Variants in ATG10 observed in about 807,000 individuals in gnomAD.
The protein encoded by ATG10 is ubiquitin-like-conjugating enzyme ATG10.
ATG10 carries 30 observed loss-of-function variants against 32.1 expected under a neutral mutation model. The observed-to-expected ratio is 0.94, with a 90% CI of 0.70 to 1.27. ATG10 has a LOEUF of 1.27. Among genes scored for constraint, ATG10 ranks in the 50% most tolerant of loss-of-function variants. The pLI, the probability that ATG10 is intolerant of heterozygous loss-of-function variation, is 0.00. For missense variants in ATG10, 233 were observed against 262.3 expected (o/e 0.89, Z 0.77); for synonymous variants, 87 against 91.5 (o/e 0.95, Z 0.28).
At position 82,071,295 on chromosome 5, in the gene ATG10, C is replaced by T. The variant is rs576274742; in HGVS notation, c.216+12693C>T. On this transcript the variant is annotated intron_variant, in intron 3 of 7. Transcript: ENST00000282185. ...TGCCCCCAGCTTTCCATTTTGACAG[C>T]AGGCATCCTGATAAGTCAGACTGAC... Among the ~76,000 whole-genome samples the T allele has an allele frequency of 3.8e-4, 58 of 152,262 alleles. 1 individual carries two copies. In the South Asian group the frequency reaches 5.0e-3, roughly 13 times the overall value.
chr5:81,979,981 T>C (rs914995692), intron 1 of ATG10, among the ~76,000 whole-genome samples: 1 of 152,120 alleles, frequency 6.6e-6, no homozygotes, highest in African/African-American at 2.4e-5. Context: ...ATTTTCATCA[T>C]GGTCTTTTTT....
At chr5:82,108,574 A>G (rs1163474766) in intron 3 of ATG10, among the ~76,000 whole-genome samples, 2 of 152,036 alleles carry the variant, frequency 1.3e-5, no homozygotes, top group African/African-American at 2.4e-5. Context: ...AGTAATATGT[A>G]TATGAGGTCT....
chr5:82,124,156 A>C (rs1272860384), intron 3 of ATG10, among the ~76,000 whole-genome samples: 1 of 141,930 alleles, frequency 7.0e-6, no homozygotes, highest in Non-Finnish European at 1.5e-5. Flanking sequence ...GACACTTGCC[A>C]CCACGCCCGG....
chr5:82,173,339 A>C (rs1004344734), intron 4 of ATG10, among the ~76,000 whole-genome samples: 3 of 152,236 alleles, frequency 2.0e-5, no homozygotes, highest in Admixed American at 1.3e-4. Context: ...ATTACTTGAC[A>C]TGTGGGTTAT....
intron 2 of ATG10, among the ~76,000 whole-genome samples, chr5:82,015,636 G>A (rs1260656393): frequency 6.6e-6 from 1 of 152,098 alleles, no homozygotes; most frequent in East Asian, 1.9e-4. Flanking sequence ...TGAAGCTTGT[G>A]CATTCATCAT....
intron 5 of ATG10, among the ~76,000 whole-genome samples, chr5:82,251,650 T>A (rs1039722659): frequency 1.3e-5 from 2 of 152,204 alleles, no homozygotes; most frequent in Non-Finnish European, 2.9e-5. Context: ...TGCTTTGTCT[T>A]CATAGGTATT....
intron 3 of ATG10, among the ~76,000 whole-genome samples, chr5:82,098,997 A>G (rs573783986): frequency 6.6e-6 from 1 of 152,374 alleles, no homozygotes; most frequent in African/African-American, 2.4e-5. Context: ...GACATGAACC[A>G]TGAACCAAAA....
intron 3 of ATG10, among the ~76,000 whole-genome samples, chr5:82,069,358 A>G (rs1764049920): frequency 6.6e-6 from 1 of 152,184 alleles, no homozygotes; most frequent in South Asian, 2.1e-4. Flanking sequence ...ATTTTTACAT[A>G]AAATCATTGG....
intron 4 of ATG10, among the ~76,000 whole-genome samples, chr5:82,172,498 C>A (rs1302745912): frequency 1.3e-5 from 2 of 152,122 alleles, no homozygotes; most frequent in African/African-American, 2.4e-5. Flanking sequence ...GCCTTTCAAT[C>A]ATGCTAGCCA....
rs766865593 is a variant in ATG10 at position 81,987,552 on chromosome 5, A to G, written c.-12-7A>G. ...GTTGATGCTAATACTTAGTTTTTGT[A>G]TTGCAGTTATCATTTAACATGGAAG... On this transcript the variant is annotated splice_region_variant and splice_polypyrimidine_tract_variant and intron_variant, in intron 1 of 7. Transcript: ENST00000282185. 6.6e-7 allele frequency: 1 copy of G among 1,511,718 alleles called. No individual in the cohort carries two copies. Among genetic ancestry groups the G allele is most frequent in the South Asian group, 1.2e-5 (1 of 84,958 alleles). 93.6% of individuals were successfully genotyped at this position (1,511,718 alleles called of 1,614,324 possible).
chr5:82,229,965 A>G (rs1396791483), intron 5 of ATG10, among the ~76,000 whole-genome samples: 1 of 152,136 alleles, frequency 6.6e-6, no homozygotes, highest in Non-Finnish European at 1.5e-5. Flanking sequence ...TATTTTTGAA[A>G]AGTTACTGAT....
chr5:82,219,627 T>C (rs4703871), intron 5 of ATG10, among the ~76,000 whole-genome samples: 130,518 of 152,222 alleles, frequency 0.86, 56,147 homozygotes, highest in African/African-American at 0.91. Flanking sequence ...GCTGCACCAT[T>C]CTGGCAAGGA....
At chr5:82,141,052 C>A (rs1287073810) in intron 3 of ATG10, among the ~76,000 whole-genome samples, 8 of 120,640 alleles carry the variant, frequency 6.6e-5, no homozygotes, top group African/African-American at 2.5e-4. Flanking sequence ...CATCACCAAT[C>A]CCTAATCTCA....
At chr5:82,241,260 A>G (rs1746790760) in intron 5 of ATG10, among the ~76,000 whole-genome samples, 1 of 152,184 alleles carries the variant, frequency 6.6e-6, no homozygotes, top group Non-Finnish European at 1.5e-5. Flanking sequence ...TCTTCCGCAC[A>G]CTACTGTTGC....
chr5:82,047,595 T>G (rs1200042531), intron 2 of ATG10, among the ~76,000 whole-genome samples: 2 of 152,170 alleles, frequency 1.3e-5, no homozygotes, highest in Non-Finnish European at 2.9e-5. Flanking sequence ...GTCACCAAAT[T>G]CCCACCTGTA....
At position 82,135,972 on chromosome 5, in the gene ATG10, A is replaced by G. The variant is rs190608549; in HGVS notation, c.217-28427A>G. 1.2e-4 allele frequency among the ~76,000 whole-genome samples: 18 copies of G among 152,196 alleles called. No homozygotes were observed. The East Asian group carries it at 3.5e-3, about 29-fold the overall frequency. On this transcript the variant is annotated intron_variant, in intron 3 of 7. Coordinates refer to ENST00000282185, the MANE Select transcript of ATG10 (RefSeq NM_031482.5). ...TGCATTGATTCCCTTTACCATATGTAATGCCCTTCTTTGTCCTTTTGATCT... is the reference window on the plus strand; with the variant it reads ...TGCATTGATTCCCTTTACCATATGTGATGCCCTTCTTTGTCCTTTTGATCT...
intron 3 of ATG10, among the ~76,000 whole-genome samples, chr5:82,161,332 A>G (rs374778962): frequency 6.6e-6 from 1 of 152,150 alleles, no homozygotes; most frequent in East Asian, 1.9e-4. Context: ...CTCAGCTGCC[A>G]GTGAGAACAG....
intron 5 of ATG10, among the ~76,000 whole-genome samples, chr5:82,250,894 T>C (rs1219483496): frequency 1.3e-5 from 2 of 152,206 alleles, no homozygotes; most frequent in Non-Finnish European, 2.9e-5. Flanking sequence ...CAGATTCAAG[T>C]TGGACAGGAG....
At chr5:82,153,401 G>T (rs1177503870) in intron 3 of ATG10, among the ~76,000 whole-genome samples, 1 of 152,140 alleles carries the variant, frequency 6.6e-6, no homozygotes, top group African/African-American at 2.4e-5. Flanking sequence ...AACTATTGCT[G>T]GGGGCAACAG....
Sources: gnomAD v4.1 joint callset for allele counts (sites outside exome capture counted in the v4.1 genomes callset) on GRCh38, gnomAD v4.1.1 for gene constraint, MANE v1.5 for transcripts, NCBI Gene and HGNC (gene_info 2026-07-23, HGNC 2026-07-21) for gene names.